The following SNTG1 variants were observed in gnomAD, a reference collection of about 807,000 sequenced individuals.
SNTG1 encodes gamma-1-syntrophin.
Under a neutral mutation model 74.7 loss-of-function variants are expected in SNTG1, and 39 were observed. The ratio of observed to expected loss-of-function variants is 0.52; its 90% CI spans 0.40 to 0.68. SNTG1 has a LOEUF of 0.68. SNTG1 is among the 30% of genes least tolerant of loss of function. The pLI is 0.00. For missense variants in SNTG1, 685 were observed against 609.5 expected, an observed-to-expected ratio of 1.12 and a Z score of -1.30; for synonymous variants, 254 against 217.1, an observed-to-expected ratio of 1.17 and a Z score of -1.49.
intron 1 of SNTG1, among the ~76,000 whole-genome samples, chr8:49,942,568 G>A (rs1808796137): frequency 6.6e-6 from 1 of 152,042 alleles, no homozygotes; most frequent in South Asian, 2.1e-4. Context: ...GGACACCACA[G>A]GACATTTTGT....
chr8:50,410,611 T>G (rs543635436), intron 4 of SNTG1, among the ~76,000 whole-genome samples: 5 of 152,220 alleles, frequency 3.3e-5, no homozygotes, highest in African/African-American at 1.2e-4. Context: ...TATTAGACCC[T>G]GAGATCTTGT....
intron 15 of SNTG1, among the ~76,000 whole-genome samples, chr8:50,703,799 G>A (rs1453934265): frequency 6.6e-6 from 1 of 152,088 alleles, no homozygotes; most frequent in East Asian, 1.9e-4. Flanking sequence ...ATTGCTAGGG[G>A]ATAGGAATTT....
At chr8:50,360,125 G>A (rs577937092) in intron 2 of SNTG1, among the ~76,000 whole-genome samples, 5 of 151,976 alleles carry the variant, frequency 3.3e-5, no homozygotes, top group South Asian at 2.1e-4. Context: ...AGACCCACAC[G>A]AGATCAGATA....
intron 1 of SNTG1, among the ~76,000 whole-genome samples, chr8:50,144,465 T>C (rs2081784426): frequency 1.3e-5 from 2 of 152,228 alleles, no homozygotes; most frequent in Non-Finnish European, 2.9e-5. Flanking sequence ...AGGAGCCAGC[T>C]GCATACAGAT....
At chr8:50,263,588 G>A (rs1279614108) in intron 2 of SNTG1, among the ~76,000 whole-genome samples, 1 of 152,012 alleles carries the variant, frequency 6.6e-6, no homozygotes, top group Non-Finnish European at 1.5e-5. Context: ...GCATAAAATA[G>A]ATTTAAAGGT....
intron 13 of SNTG1, among the ~76,000 whole-genome samples, chr8:50,600,671 T>C (rs1396577783): frequency 7.2e-5 from 11 of 152,086 alleles, no homozygotes; most frequent in African/African-American, 2.7e-4. Flanking sequence ...ATTTATTTGG[T>C]TCTTCTTTCT....
At chr8:50,381,604 ATATCTCCTATTAGT>A (rs1410846898) in intron 2 of SNTG1, among the ~76,000 whole-genome samples, 8 of 141,612 alleles carry the variant, frequency 5.6e-5, no homozygotes, top group South Asian at 2.2e-4. Flanking sequence ...ATATATATAT[ATATCTCCTATTAGT>A]TATATATATA....
rs1171011296 is a variant in SNTG1 at position 50,541,255 on chromosome 8, G to A, written c.680+4447G>A. ...ACTAAGATTTTACCTGTGTGTGTGT[G>A]TGTGTGTGTGTGTGTGTGTGTGCAT... is the stretch of plus-strand genomic sequence containing the variant. On this transcript the variant is annotated intron_variant, in intron 11 of 18. Coordinates refer to ENST00000642720, the MANE Select transcript of SNTG1 (RefSeq NM_018967.5). 7.9e-5 allele frequency among the ~76,000 whole-genome samples: 12 copies of A among 151,808 alleles called. No individual in the cohort carries two copies. In the East Asian group the frequency reaches 2.3e-3, roughly 30 times the overall value.
chr8:50,455,608 C>T (rs934597186), intron 8 of SNTG1, among the ~76,000 whole-genome samples: 3 of 152,100 alleles, frequency 2.0e-5, no homozygotes, highest in African/African-American at 7.2e-5. Context: ...TGATATATGC[C>T]TAAGTCAATT....
At chr8:50,389,894 A>G (rs1587436732) in intron 2 of SNTG1, among the ~76,000 whole-genome samples, 1 of 152,250 alleles carries the variant, frequency 6.6e-6, no homozygotes, top group African/African-American at 2.4e-5. Context: ...TTTGAGAAGC[A>G]TCTGTTCATA....
At chr8:50,553,026 C>A in intron 11 of SNTG1, 24 bp from the exon 12 acceptor site, 2 of 1,611,878 alleles carry the variant, frequency 1.2e-6, no homozygotes, top group South Asian at 1.1e-5. Flanking sequence ...AGGTTTTGAT[C>A]TGATTTGTTC....
chr8:50,057,986 A>G (rs1170059346), intron 1 of SNTG1, among the ~76,000 whole-genome samples: 1 of 152,182 alleles, frequency 6.6e-6, no homozygotes, highest in Admixed American at 6.6e-5. Flanking sequence ...GCATTTACAC[A>G]TGTTGGAAAA....
At chr8:50,016,824 C>T (rs950498695) in intron 1 of SNTG1, among the ~76,000 whole-genome samples, 20 of 151,990 alleles carry the variant, frequency 1.3e-4, no homozygotes, top group African/African-American at 4.8e-4. Flanking sequence ...AGAATGTATT[C>T]CAATATCAAA....
intron 2 of SNTG1, among the ~76,000 whole-genome samples, chr8:50,350,227 C>T (rs559319403): frequency 3.9e-5 from 6 of 152,214 alleles, no homozygotes; most frequent in East Asian, 3.9e-4. Context: ...CTGTGCAGCC[C>T]GAGCCTCCCT....
chr8:50,275,806 C>G (rs970450896), intron 2 of SNTG1, among the ~76,000 whole-genome samples: 6 of 152,128 alleles, frequency 3.9e-5, no homozygotes, highest in South Asian at 2.1e-4. Context: ...CTGTAAGATT[C>G]CCTGCATTTG....
chr8:50,334,427 T>C (rs186867390), intron 2 of SNTG1, among the ~76,000 whole-genome samples: 2 of 152,248 alleles, frequency 1.3e-5, no homozygotes, highest in East Asian at 3.9e-4. Context: ...CCTTCAGCTT[T>C]CTCTGATGAG....
chr8:50,164,600 T>C (rs1019437235), intron 1 of SNTG1, among the ~76,000 whole-genome samples: 1 of 152,234 alleles, frequency 6.6e-6, no homozygotes, highest in African/African-American at 2.4e-5. Context: ...ATATTACATG[T>C]CATAATATAA....
At chr8:50,556,927 G>A (rs950909870) in intron 12 of SNTG1, among the ~76,000 whole-genome samples, 1 of 152,122 alleles carries the variant, frequency 6.6e-6, no homozygotes, top group African/African-American at 2.4e-5. Context: ...TGAGGACTCA[G>A]CACATGTCAG....
rs145836837 is a variant in SNTG1, at chr8:50,610,564, A to G, written c.849+19647A>G. Among the ~76,000 whole-genome samples, 729 of 152,312 alleles carry G rather than the reference A, an allele frequency of 4.8e-3. 7 individuals carry two copies. Among genetic ancestry groups the G allele is most frequent in the African/African-American group, 0.016 (686 of 41,576 alleles). ...GTAAGCATCACAACTGCACTGTACCAAACTGTGAATTGTGGCCATTTGTAA... is the reference window on the plus strand; with the variant it reads ...GTAAGCATCACAACTGCACTGTACCGAACTGTGAATTGTGGCCATTTGTAA... On this transcript the variant is annotated intron_variant, in intron 13 of 18. Transcript: ENST00000642720.
Sources: gnomAD v4.1 joint callset for allele counts (sites outside exome capture counted in the v4.1 genomes callset) on GRCh38, gnomAD v4.1.1 for gene constraint, MANE v1.5 for transcripts, NCBI Gene and HGNC (gene_info 2026-07-23, HGNC 2026-07-21) for gene names.